MTF1: variants seen among roughly 807,000 people sequenced by gnomAD.
MTF1 encodes MRE-binding transcription factor.
A neutral mutation model predicts 70.4 loss-of-function variants in MTF1; 22 were observed. That is an observed-to-expected ratio of 0.31 (90% CI 0.22 to 0.45). The LOEUF (loss-of-function observed/expected upper bound fraction) is 0.45, where lower values mean the gene tolerates loss of function less well. Among genes scored for constraint, MTF1 ranks in the 20% least tolerant of loss-of-function variants. The probability of loss-of-function intolerance (pLI) is 1.00; values close to 1 mark genes in which losing one functional copy is unlikely to be tolerated. For missense variants in MTF1, 649 were observed against 922.0 expected (o/e 0.70, Z 3.83); for synonymous variants, 333 against 352.8 (o/e 0.94, Z 0.63).
intron 1 of MTF1, 75 bp from the exon 2 acceptor site, chr1:37,857,784 T>C: frequency 1.2e-6 from 1 of 832,302 alleles, no homozygotes; most frequent in South Asian, 1.8e-5. Context: ...CAAGGCTCAT[T>C]TTCCCTCTCA....
At chr1:37,842,183 A>T (rs946564664) in intron 2 of MTF1, among the ~76,000 whole-genome samples, 21 of 152,150 alleles carry the variant, frequency 1.4e-4, no homozygotes, top group African/African-American at 5.1e-4. Context: ...GGGAAGATCC[A>T]CTTGAGTCTG....
Position 37,832,329 on chromosome 1 carries a change from AAG to A in MTF1, c.991-9_991-8del, listed in dbSNP as rs1320888640. 3.1e-6 allele frequency: 5 copies of A among 1,599,582 alleles called. No homozygotes were observed. In the South Asian group the frequency reaches 4.5e-5, roughly 14 times the overall value. The stretch of plus-strand genomic sequence containing the variant: ...AAAGTGAGTGATTTGTATCCTGTGA[AAG>A]AGAAAAAATTCTAATTGAGTAACAA... On this transcript the variant is annotated splice_region_variant and splice_polypyrimidine_tract_variant and intron_variant, in intron 6 of 10. Transcript: ENST00000373036.
rs1421904273 is a variant in MTF1 at position 37,811,878 on chromosome 1, C to G, written c.*3258G>C. ...CTTCTGTCACCAAACTGGTGGTGCC[C>G]CCATGAGACTGGCCAGACCCTGCCA... On this transcript the variant is annotated 3_prime_UTR_variant, in exon 11 of 11. Coordinates refer to ENST00000373036, the MANE Select transcript of MTF1 (RefSeq NM_005955.3). 1.3e-5 allele frequency: 2 copies of G among 152,642 alleles called. No individual in the cohort carries two copies. Among genetic ancestry groups the G allele is most frequent in the African/African-American group, 4.8e-5 (2 of 41,430 alleles). 9.5% of individuals were successfully genotyped at this position (152,642 alleles called of 1,614,324 possible).
rs1640933115 is a variant in MTF1, at chr1:37,822,540, C to G, written c.1348G>C (p.Gly450Arg). 4.3e-6 allele frequency: 7 copies of G among 1,613,928 alleles called. No homozygotes were observed. Among genetic ancestry groups the G allele is most frequent in the Non-Finnish European group, 5.1e-6 (6 of 1,179,982 alleles). Residue 450 changes from glycine to arginine, a missense_variant, in exon 9 of 11, where the codon GGA becomes CGA. Around this residue, in one of 7 missense-constraint regions of MTF1, gnomAD observed 267 missense variants for 292.1 expected, o/e 0.91. Coordinates refer to ENST00000373036, the MANE Select transcript of MTF1 (RefSeq NM_005955.3). ...PSAPPPAPSL[G>R]PGSQQAAFGN... ...AATGCAGCTTGCTGGGAGCCAGGTC[C>G]TAGGGAGGGAGCAGGCGGAGGAGCA...
intron 2 of MTF1, among the ~76,000 whole-genome samples, chr1:37,843,093 T>A (rs1641279792): frequency 1.3e-5 from 2 of 152,210 alleles, no homozygotes; most frequent in Admixed American, 1.3e-4. Flanking sequence ...CACAGCTCAC[T>A]GTAACTTCAA....
At chr1:37,827,230 A>C (rs1641015557) in intron 7 of MTF1, among the ~76,000 whole-genome samples, 1 of 151,988 alleles carries the variant, frequency 6.6e-6, no homozygotes, top group South Asian at 2.1e-4. Context: ...TGAAATGCTG[A>C]TTATAAACCA....
At chr1:37,856,630 G>T (rs1641501255) in intron 2 of MTF1, among the ~76,000 whole-genome samples, 1 of 151,372 alleles carries the variant, frequency 6.6e-6, no homozygotes, top group Admixed American at 6.6e-5. Context: ...CTCCTGAGTA[G>T]CTGGGATTAC....
rs1346837227 is a variant in MTF1 at position 37,815,204 on chromosome 1, G to C, written c.2194C>G (p.Leu732Val). 1 of 1,614,078 alleles carries C rather than the reference G, an allele frequency of 6.2e-7. No homozygotes were observed. The change falls in exon 11 of 11, where the codon CTG becomes GTG. Residue 732 changes from leucine (L) to valine (V), a missense_variant. Transcript: ENST00000373036. This position sits in a 1 kb window ranked among gnomAD's most constrained non-coding sequence, Gnocchi z 4.5. ...TGCAGTAGTGCTTCAATGGGAATCA[G>C]ATTGGACGGGGTGTCCAGGCTCTGG... ...SLQSLDTPSNLIPIEALLQGE... is the reference protein window; with the variant it reads ...SLQSLDTPSNVIPIEALLQGE...
chr1:37,814,823 A>T lies in MTF1; in HGVS notation c.*313T>A, dbSNP rs1256431039. 2 of 287,350 alleles carry T rather than the reference A, an allele frequency of 7.0e-6. No individual in the cohort carries two copies. Among genetic ancestry groups the T allele is most frequent in the Non-Finnish European group, 1.3e-5 (2 of 151,932 alleles). The allele number at this position is 287,350 out of a possible 1,614,324, so 17.8% of individuals were successfully genotyped here. A position where few individuals can be genotyped will look rare whatever the true frequency, so the allele number is the denominator to read the frequency against. ...ATGGAAACCACACCCTTTCATTTAG[A>T]ATTTTTATGCACACGAGTAACCTTA... is the stretch of plus-strand genomic sequence containing the variant. On this transcript the variant is annotated 3_prime_UTR_variant, in exon 11 of 11. Coordinates refer to ENST00000373036, the MANE Select transcript of MTF1 (RefSeq NM_005955.3).
intron 1 of MTF1, 82 bp downstream of exon 1, chr1:37,859,449 G>A: frequency 2.5e-6 from 1 of 398,636 alleles, no homozygotes; most frequent in Non-Finnish European, 4.4e-6. Context: ...GGTCTCTATT[G>A]GGAAATGCTT....
chr1:37,840,240 G>T lies in MTF1; in HGVS notation c.409-82C>A. 1.6e-6 allele frequency: 2 copies of T among 1,251,102 alleles called. No individual in the cohort carries two copies. The highest frequency in any genetic ancestry group is 2.3e-6 in the Non-Finnish European group (2 of 862,050). The allele number at this position is 1,251,102 out of a possible 1,614,324, so 77.5% of individuals were successfully genotyped here. A position where few individuals can be genotyped will look rare whatever the true frequency, so the allele number is the denominator to read the frequency against. On this transcript the variant is annotated intron_variant, in intron 2 of 10. Transcript: ENST00000373036. The surrounding 1 kb of genome is among the most constrained non-coding windows in gnomAD (Gnocchi z 4.5). ...CCCCCACCCAGAGCTCAGCTCCCAA[G>T]AGATGCTGTGGACAATACAACTGGG...
intron 2 of MTF1, among the ~76,000 whole-genome samples, chr1:37,850,660 C>T (rs759231528): frequency 3.9e-5 from 6 of 151,934 alleles, no homozygotes; most frequent in Non-Finnish European, 7.4e-5. Context: ...ACGTGAAATT[C>T]GAGTCAGAAT....
intron 2 of MTF1, among the ~76,000 whole-genome samples, chr1:37,849,684 A>G (rs546313777): frequency 1.3e-5 from 2 of 152,266 alleles, no homozygotes; most frequent in African/African-American, 2.4e-5. Context: ...GGCAGGTTCT[A>G]TGGAAGGGCA....
At chr1:37,829,224 C>T (rs1641048769) in intron 7 of MTF1, among the ~76,000 whole-genome samples, 2 of 151,790 alleles carry the variant, frequency 1.3e-5, no homozygotes, top group East Asian at 1.9e-4. Flanking sequence ...TTTGCCTCAG[C>T]CTCCCAGATA....
rs1641236191 is a variant in MTF1, at chr1:37,840,295, T to C, written c.409-137A>G. 5 of 725,836 alleles carry C rather than the reference T, an allele frequency of 6.9e-6. No individual in the cohort carries two copies. The highest frequency in any genetic ancestry group is 1.8e-5 in the South Asian group (1 of 57,030). The allele number at this position is 725,836 out of a possible 1,614,324, so 45.0% of individuals were successfully genotyped here. On this transcript the variant is annotated intron_variant, in intron 2 of 10. Coordinates refer to ENST00000373036, the MANE Select transcript of MTF1 (RefSeq NM_005955.3). This position sits in a 1 kb window ranked among gnomAD's most constrained non-coding sequence, Gnocchi z 4.5. ...CATCATAAACACAGAAAACAGCCTCTAGCAGCAAAGTGGAAAAACCTTATT... is the reference window on the plus strand; with the variant it reads ...CATCATAAACACAGAAAACAGCCTCCAGCAGCAAAGTGGAAAAACCTTATT...
rs560029232 is a variant in MTF1 at position 37,811,160 on chromosome 1, T to C, written c.*3976A>G. On this transcript the variant is annotated 3_prime_UTR_variant, in exon 11 of 11. Coordinates refer to ENST00000373036, the MANE Select transcript of MTF1 (RefSeq NM_005955.3). ...TTTGTAATGGTGAAGAGGGAAAAGA[T>C]GGCGAGAGACCAAGAAGTGATGAAA... is the stretch of plus-strand genomic sequence containing the variant. The C allele has an allele frequency of 6.5e-5, 10 of 152,776 alleles. No individual in the cohort carries two copies. Among genetic ancestry groups the C allele is most frequent in the African/African-American group, 2.4e-4 (10 of 41,566 alleles). 9.5% of individuals were successfully genotyped at this position (152,776 alleles called of 1,614,324 possible).
chr1:37,825,848 A>G (rs1640994649), intron 7 of MTF1, among the ~76,000 whole-genome samples: 2 of 152,206 alleles, frequency 1.3e-5, no homozygotes, highest in Non-Finnish European at 2.9e-5. Context: ...AATACAATAC[A>G]TAATACATAT....
rs1415577039 is a variant in MTF1, at chr1:37,815,191, T to C, written c.2207A>G (p.Glu736Gly). The change falls in exon 11 of 11, where the codon GAA (glutamate) becomes GGA (glycine). Residue 736 changes from glutamate (E) to glycine (G), a missense_variant. Physicochemically the swap from Glu to Gly is moderately conservative, Grantham distance 98. Transcript: ENST00000373036. The surrounding 1 kb of genome is among the most constrained non-coding windows in gnomAD (Gnocchi z 4.5). ...LDTPSNLIPI[E>G]ALLQGEEEMG... ...CTCCTCCTCCCCCTGCAGTAGTGCT[T>C]CAATGGGAATCAGATTGGACGGGGT... The C allele has an allele frequency of 6.2e-7, 1 of 1,614,096 alleles. No homozygotes were observed. Among genetic ancestry groups the C allele is most frequent in the African/African-American group, 1.3e-5 (1 of 75,022 alleles).
At chr1:37,845,028 A>C (rs1277344192) in intron 2 of MTF1, among the ~76,000 whole-genome samples, 1 of 152,272 alleles carries the variant, frequency 6.6e-6, no homozygotes, top group African/African-American at 2.4e-5. Context: ...TTGTCCAATT[A>C]AATGGGTGAA....
Sources: allele counts gnomAD v4.1 joint callset (sites outside exome capture counted in the v4.1 genomes callset), GRCh38; gene constraint gnomAD v4.1.1; regional missense constraint gnomAD v4.1.1; non-coding constraint Gnocchi (gnomAD v3.1); transcripts MANE v1.5; gene names NCBI Gene and HGNC (gene_info 2026-07-23, HGNC 2026-07-21).